DYNC2H1: variants seen among roughly 807,000 people sequenced by gnomAD.
The protein encoded by DYNC2H1 is cytoplasmic dynein 2 heavy chain 1.
DYNC2H1 carries 410 observed loss-of-function variants against 570.0 expected under a neutral mutation model. The ratio of observed to expected loss-of-function variants is 0.72; its 90% confidence interval spans 0.66 to 0.78. The LOEUF (loss-of-function observed/expected upper bound fraction) is 0.78. DYNC2H1 is among the 30% of genes least tolerant of loss of function. The pLI, the probability that DYNC2H1 is intolerant of heterozygous loss-of-function variation, is 0.00. For synonymous variants in DYNC2H1, 1,688 were observed against 1,677.6 expected (o/e 1.01, Z -0.15); for missense variants, 4,865 against 5,046.4 (o/e 0.96, Z 1.09).
chr11:103,125,289 T>C lies in DYNC2H1; in HGVS notation c.1851T>C (p.Leu617=). The C allele has an allele frequency of 6.3e-7, 1 of 1,597,274 alleles. No individual in the cohort carries two copies. Among genetic ancestry groups the C allele is most frequent in the Non-Finnish European group, 8.5e-7 (1 of 1,170,688 alleles). The change falls in exon 12 of 89, where the codon CTT becomes CTC. Residue 617 remains leucine, a synonymous_variant. Coordinates refer to ENST00000375735, the MANE Select transcript of DYNC2H1 (RefSeq NM_001377.3). ...AATTCTGCAAGCAAGCAATTATTCT[T>C]AAACAAGTATGAAATTACATTTTTT... The part of the protein sequence containing the change: ...AQKFCKQAII[L]KQVAHFYNSI...
intron 45 of DYNC2H1, among the ~76,000 whole-genome samples, chr11:103,191,043 C>CTTTTT (rs10707667): frequency 7.4e-5 from 7 of 94,080 alleles, no homozygotes; most frequent in African/African-American, 1.7e-4. Flanking sequence ...TTTTCTTTTT[C>CTTTTT]TTTTTTTTTT....
At chr11:103,222,853 C>T in intron 58 of DYNC2H1, 112 bp from the exon 59 acceptor site, 3 of 1,328,660 alleles carry the variant, frequency 2.3e-6, no homozygotes, top group South Asian at 1.4e-5. Context: ...AGCCAAAAAA[C>T]TACTTTATTT....
In DYNC2H1 at chr11:103,479,442, G is replaced by T; in HGVS notation, c.*189G>T. ...GCATCTTTTAAAGTAATAAATTAAT[G>T]GAGTTATTGTTAAAACAGAGTATTC... On this transcript the variant is annotated 3_prime_UTR_variant, in exon 89 of 89. Transcript: ENST00000375735. The T allele has an allele frequency of 2.0e-6, 1 of 501,032 alleles. No individual in the cohort carries two copies. The highest frequency in any genetic ancestry group is 3.2e-6 in the Non-Finnish European group (1 of 315,598). The allele number at this position is 501,032 out of a possible 1,614,324, so 31.0% of individuals were successfully genotyped here.
chr11:103,297,805 T>G (rs976583890), intron 75 of DYNC2H1, among the ~76,000 whole-genome samples: 6 of 152,146 alleles, frequency 3.9e-5, no homozygotes, highest in African/African-American at 1.4e-4. Context: ...GAATTCATTT[T>G]ATTTGCTTTA....
rs912963912 is a variant in DYNC2H1 at position 103,199,971 on chromosome 11, C to G, written c.8089-75C>G. On this transcript the variant is annotated intron_variant, in intron 49 of 88. Transcript: ENST00000375735. The surrounding 1 kb of genome is among the most constrained non-coding windows in gnomAD (Gnocchi z 4.6). The stretch of plus-strand genomic sequence containing the variant: ...ACATGATACTGGCATACTTTACATA[C>G]AAATACAAAATGTTAATTTTTAACT... The G allele has an allele frequency of 3.1e-6, 3 of 955,960 alleles. No homozygotes were observed. The highest frequency in any genetic ancestry group is 1.6e-5 in the African/African-American group (1 of 60,696). The allele number at this position is 955,960 out of a possible 1,614,324, so 59.2% of individuals were successfully genotyped here. A position where few individuals can be genotyped will look rare whatever the true frequency, so the allele number is the denominator to read the frequency against.
chr11:103,219,208 C>A (rs1388545854), intron 55 of DYNC2H1, among the ~76,000 whole-genome samples: 2 of 151,562 alleles, frequency 1.3e-5, no homozygotes, highest in Non-Finnish European at 2.9e-5. Flanking sequence ...CATAGTGAGA[C>A]CCTGTCTCAA....
Position 103,479,145 on chromosome 11 carries a change from C to T in DYNC2H1, c.12816C>T (p.Tyr4272=). The T allele has an allele frequency of 6.2e-7, 1 of 1,613,806 alleles. No homozygotes were observed. The stretch of plus-strand genomic sequence containing the variant: ...ATGAGTGCATCTCTTTGCCTGTTTA[C>T]ACAAGTGCTGAAAGGGATCGTGTGG... ...SPDECISLPV[Y]TSAERDRVVT... is the part of the protein sequence containing the mutation. Residue 4272 remains tyrosine (Y), a synonymous_variant, in exon 89 of 89, where the codon TAC becomes TAT. Transcript: ENST00000375735.
intron 14 of DYNC2H1, 89 bp from the exon 15 acceptor site, chr11:103,134,232 G>C: frequency 9.0e-7 from 1 of 1,112,356 alleles, no homozygotes; most frequent in Admixed American, 1.9e-5. Context: ...TGATCACTTG[G>C]TTAAGGTGGT....
In DYNC2H1 at chr11:103,176,318, G is replaced by A. The variant is rs1423195387; in HGVS notation, c.5758G>A (p.Ala1920Thr). ...FTFTDCTRFD[A>T]LIKDVFPGIE... is the part of the protein sequence containing the mutation. ...GTTTACTGATTGCACCCGGTTTGAT[G>A]CACTGATAAAAGATGTCTTTCCGGG... Residue 1920 changes from alanine (A) to threonine (T), a missense_variant, in exon 37 of 89, where the codon GCA becomes ACA. Ala to Thr is a moderately conservative substitution (Grantham distance 58). Coordinates refer to ENST00000375735, the MANE Select transcript of DYNC2H1 (RefSeq NM_001377.3). The A allele has an allele frequency of 3.2e-6, 5 of 1,564,892 alleles. No individual in the cohort carries two copies. The East Asian group carries it at 1.2e-4, about 37-fold the overall frequency.
intron 88 of DYNC2H1, among the ~76,000 whole-genome samples, chr11:103,475,538 T>TTTA (rs1945523797): frequency 6.6e-6 from 1 of 152,184 alleles, no homozygotes; most frequent in African/African-American, 2.4e-5. Flanking sequence ...ACTGTGAGCA[T>TTTA]TTATTTATTG....
chr11:103,389,922 T>C (rs1193482039), intron 83 of DYNC2H1, among the ~76,000 whole-genome samples: 4 of 152,290 alleles, frequency 2.6e-5, no homozygotes, highest in Admixed American at 1.3e-4. Flanking sequence ...TCCAACTATG[T>C]GGTCAATTTT....
In DYNC2H1 at chr11:103,185,654, C is replaced by T. The variant is rs1416460038; in HGVS notation, c.6634-588C>T. ...GTGTCATTTACTGCTTTCTCTATTC[C>T]GTCTCCCTTTCCATGGCTGTCCTGT... On this transcript the variant is annotated intron_variant, in intron 41 of 88. Transcript: ENST00000375735. The surrounding 1 kb of genome is among the most constrained non-coding windows in gnomAD (Gnocchi z 4.5). Among the ~76,000 whole-genome samples the T allele has an allele frequency of 3.3e-5, 5 of 151,816 alleles. No homozygotes were observed. Among genetic ancestry groups the T allele is most frequent in the Middle Eastern group, 3.4e-3 (1 of 294 alleles).
At chr11:103,355,232 G>T (rs1940279284) in intron 82 of DYNC2H1, among the ~76,000 whole-genome samples, 1 of 151,924 alleles carries the variant, frequency 6.6e-6, no homozygotes, top group Non-Finnish European at 1.5e-5. Flanking sequence ...AATCTAGTCT[G>T]CCATATTCCC....
rs776961320 is a variant in DYNC2H1, at chr11:103,185,003, A to T, written c.6585A>T (p.Gly2195=). The T allele has an allele frequency of 3.7e-6, 6 of 1,609,830 alleles. No homozygotes were observed. Among genetic ancestry groups the T allele is most frequent in the Non-Finnish European group, 4.2e-6 (5 of 1,177,282 alleles). The change falls in exon 41 of 89, where the codon GGA becomes GGT. Residue 2195 remains glycine (G), a synonymous_variant. Transcript: ENST00000375735. The surrounding 1 kb of genome is among the most constrained non-coding windows in gnomAD (Gnocchi z 4.5). ...HDEFIINLIR[G]LGGNLNMKSR... is the part of the protein sequence containing the mutation. Reference sequence around the variant, plus strand: ...AATTCATTATTAATCTCATAAGGGGACTTGGTGGAAATCTGAATATGAAGT... The same window carrying T: ...AATTCATTATTAATCTCATAAGGGGTCTTGGTGGAAATCTGAATATGAAGT...
chr11:103,443,865 C>T (rs1480044337), intron 85 of DYNC2H1, among the ~76,000 whole-genome samples: 2 of 151,594 alleles, frequency 1.3e-5, no homozygotes, highest in Non-Finnish European at 3.0e-5. Context: ...TTGACTTTTT[C>T]TCCTTGAGAA....
intron 85 of DYNC2H1, chr11:103,454,922 A>AT (rs1254967617): frequency 2.7e-6 from 1 of 366,202 alleles, no homozygotes. Flanking sequence ...CATTAGGTTA[A>AT]TTTTCACCTT....
At chr11:103,298,940 CA>C (rs1857193750) in intron 75 of DYNC2H1, among the ~76,000 whole-genome samples, 2 of 152,080 alleles carry the variant, frequency 1.3e-5, no homozygotes, top group South Asian at 2.1e-4. Context: ...TATGATTCTA[CA>C]AAGCAAGACT....
Position 103,249,724 on chromosome 11 carries a change from G to C in DYNC2H1, c.10043-3561G>C, listed in dbSNP as rs953193268. ...CATCAGAGAGGTCACTCTGACTGCAGTCATGTTTGAGCACAAAAAACAGGA... is the reference window on the plus strand; with the variant it reads ...CATCAGAGAGGTCACTCTGACTGCACTCATGTTTGAGCACAAAAAACAGGA... On this transcript the variant is annotated intron_variant, in intron 65 of 88. Coordinates refer to ENST00000375735, the MANE Select transcript of DYNC2H1 (RefSeq NM_001377.3). This position sits in a 1 kb window ranked among gnomAD's most constrained non-coding sequence, Gnocchi z 4.6. 6.6e-6 allele frequency among the ~76,000 whole-genome samples: 1 copy of C among 151,974 alleles called. No homozygotes were observed. Among genetic ancestry groups the C allele is most frequent in the Non-Finnish European group, 1.5e-5 (1 of 67,958 alleles).
chr11:103,231,372 T>G, intron 60 of DYNC2H1, 26 bp downstream of exon 60: 3 of 1,458,396 alleles, frequency 2.1e-6, no homozygotes, highest in Non-Finnish European at 2.8e-6. Flanking sequence ...AAGTGTATTT[T>G]GGATAATGCT....
Sources: gnomAD v4.1 joint callset for allele counts (sites outside exome capture counted in the v4.1 genomes callset) on GRCh38, gnomAD v4.1.1 for gene constraint, Gnocchi (gnomAD v3.1) non-coding constraint, MANE v1.5 for transcripts, NCBI Gene and HGNC (gene_info 2026-07-23, HGNC 2026-07-21) for gene names.